The following NOL9 variants were observed in gnomAD, a reference collection of about 807,000 sequenced individuals.
NOL9 encodes polynucleotide 5'-hydroxyl-kinase NOL9.
A neutral mutation model predicts 67.9 loss-of-function variants in NOL9; 28 were observed. The observed-to-expected ratio is 0.41, with a 90% CI of 0.31 to 0.57. The LOEUF (loss-of-function observed/expected upper bound fraction) is 0.57, where lower values mean the gene tolerates loss of function less well. Among genes scored for constraint, NOL9 ranks in the 20% least tolerant of loss-of-function variants. The probability of loss-of-function intolerance (pLI) is 0.25; values close to 1 mark genes in which losing one functional copy is unlikely to be tolerated. For missense variants in NOL9, 777 were observed against 897.0 expected, an observed-to-expected ratio of 0.87 and a Z score of 1.71; for synonymous variants, 356 against 352.2, an observed-to-expected ratio of 1.01 and a Z score of -0.12.
intron 1 of NOL9, among the ~76,000 whole-genome samples, chr1:6,551,903 C>T (rs1419509769): frequency 1.3e-5 from 2 of 152,032 alleles, no homozygotes; most frequent in African/African-American, 4.8e-5. Context: ...GGTGTGGTGG[C>T]GGGCACCTGT....
chr1:6,549,606 T>C lies in NOL9; in HGVS notation c.709A>G (p.Ser237Gly), dbSNP rs936506494. The C allele has an allele frequency of 2.5e-6, 4 of 1,614,052 alleles. No homozygotes were observed. The African/African-American group carries it at 4.0e-5, about 16-fold the overall frequency. ...AAAATGTAGGATGAACCCGGATAGC[T>C]GGTTATGAAGTTTACAGTGGCAGTT... ...LKTATVNFIT[S>G]YPGSSYIFVQ... The change falls in exon 3 of 12, where the codon AGC becomes GGC. Residue 237 changes from serine (S) to glycine (G), a missense_variant. Ser to Gly is a moderately conservative substitution (Grantham distance 56, BLOSUM62 0). Around this residue, in one of 2 missense-constraint regions of NOL9, gnomAD observed 364 missense variants for 344.4 expected, o/e 1.06. Transcript: ENST00000377705.
intron 3 of NOL9, chr1:6,548,342 T>A (rs1402720351): frequency 3.0e-5 from 5 of 165,848 alleles, no homozygotes; most frequent in African/African-American, 1.2e-4. Flanking sequence ...AGATGGGGTT[T>A]TGCCATGTTG....
In NOL9 at chr1:6,535,951, G is replaced by A. The variant is rs568327367; in HGVS notation, c.1076-2510C>T. On this transcript the variant is annotated intron_variant, in intron 6 of 11. Coordinates refer to ENST00000377705, the MANE Select transcript of NOL9 (RefSeq NM_024654.5). ...CTCAAAAAAAAAAAAAAAGTTGGAG[G>A]TATCACATTCTCTGACTTCAAAAGC... 5.9e-5 allele frequency among the ~76,000 whole-genome samples: 9 copies of A among 151,380 alleles called. No individual in the cohort carries two copies. In the East Asian group the frequency reaches 1.4e-3, roughly 23 times the overall value.
At chr1:6,540,289 A>C (rs1233036477) in intron 6 of NOL9, among the ~76,000 whole-genome samples, 1 of 151,608 alleles carries the variant, frequency 6.6e-6, no homozygotes, top group Non-Finnish European at 1.5e-5. Context: ...CGCCTGGCTA[A>C]TTTTTTGTAT....
chr1:6,549,124 G>T (rs1359651368), intron 3 of NOL9: 1 of 155,594 alleles, frequency 6.4e-6, no homozygotes, highest in Non-Finnish European at 1.4e-5. Context: ...GGGCATGGTG[G>T]CAGGCGCCTG....
At chr1:6,529,910 A>G (rs1246600007) in intron 9 of NOL9, among the ~76,000 whole-genome samples, 1 of 152,096 alleles carries the variant, frequency 6.6e-6, no homozygotes. Flanking sequence ...TGAATGACAG[A>G]CCAAGACTCC....
In NOL9 at chr1:6,545,031, T is replaced by C. The variant is rs367828226; in HGVS notation, c.880+14A>G. On this transcript the variant is annotated intron_variant, in intron 4 of 11. Coordinates refer to ENST00000377705, the MANE Select transcript of NOL9 (RefSeq NM_024654.5). ...GTGGACAGACATTCAGGGTGATCAA[T>C]GTGTATTACTCACCACAGGAAACAT... The C allele has an allele frequency of 3.7e-6, 6 of 1,613,984 alleles. No homozygotes were observed. In the African/African-American group the frequency reaches 8.0e-5, roughly 22 times the overall value.
At chr1:6,526,874 A>G (rs746669581) in intron 10 of NOL9, 45 bp from the exon 11 acceptor site, 3 of 1,527,912 alleles carry the variant, frequency 2.0e-6, no homozygotes, top group African/African-American at 2.8e-5. Flanking sequence ...TTTGGAAAAC[A>G]TCAAACTTCT....
At chr1:6,545,688 A>G (rs1347532199) in intron 3 of NOL9, among the ~76,000 whole-genome samples, 2 of 148,300 alleles carry the variant, frequency 1.3e-5, no homozygotes, top group African/African-American at 4.9e-5. Flanking sequence ...CTCACCACAG[A>G]AGAGGATGAA....
At chr1:6,549,431 G>A (rs146656557) in intron 3 of NOL9, 140 bp downstream of exon 3, 19 of 895,626 alleles carry the variant, frequency 2.1e-5, no homozygotes, top group Admixed American at 1.7e-4. Context: ...AATAGTTTCC[G>A]TATACACGTA....
chr1:6,535,215 C>T (rs1243252962), intron 6 of NOL9, among the ~76,000 whole-genome samples: 1 of 152,188 alleles, frequency 6.6e-6, no homozygotes, highest in Admixed American at 6.5e-5. Context: ...TATGCTAGCT[C>T]TGTGCACTGA....
chr1:6,544,544 C>CACA (rs61278197), intron 5 of NOL9, among the ~76,000 whole-genome samples: 12 of 118,690 alleles, frequency 1.0e-4, no homozygotes, highest in African/African-American at 4.6e-4. Context: ...CACACACGCA[C>CACA]CCCCCCCCCG....
Position 6,549,569 on chromosome 1 carries a change from A to C in NOL9, c.744+2T>G, listed in dbSNP as rs1416642617. ...AAAACTCTGAATGAAAACGGGTTCT[A>C]CCTCTTGCACAAAAATGTAGGATGA... is the stretch of plus-strand genomic sequence containing the variant. On this transcript the variant is annotated splice_donor_variant, in intron 3 of 11. Transcript: ENST00000377705. LOFTEE classifies it high-confidence loss of function. The C allele has an allele frequency of 6.2e-7, 1 of 1,613,630 alleles. No individual in the cohort carries two copies. Among genetic ancestry groups the C allele is most frequent in the Non-Finnish European group, 8.5e-7 (1 of 1,179,902 alleles).
intron 8 of NOL9, 39 bp downstream of exon 8, chr1:6,532,424 A>AAGGAAAAAT: frequency 6.4e-7 from 1 of 1,568,732 alleles, no homozygotes; most frequent in Non-Finnish European, 8.7e-7. Flanking sequence ...TTTTCGACGG[A>AAGGAAAAAT]AGGAAAAATA....
Position 6,550,469 on chromosome 1 carries a change from G to A in NOL9, c.543C>T (p.Tyr181=), listed in dbSNP as rs1017971666. The A allele has an allele frequency of 3.7e-6, 6 of 1,614,032 alleles. No individual in the cohort carries two copies. The highest frequency in any genetic ancestry group is 1.3e-5 in the African/African-American group (1 of 74,922). The change falls in exon 2 of 12, where the codon TAC becomes TAT. Residue 181 remains tyrosine, a synonymous_variant. Transcript: ENST00000377705. ...HSCLSIHALH[Y]SQPEKSKKEL... ...CCTTCTTGCTTTTCTCAGGCTGTGAGTAGTGAAGTGCATGGATACTCAAGC... is the reference window on the plus strand; with the variant it reads ...CCTTCTTGCTTTTCTCAGGCTGTGAATAGTGAAGTGCATGGATACTCAAGC...
At chr1:6,536,174 A>G (rs1639151391) in intron 6 of NOL9, among the ~76,000 whole-genome samples, 1 of 55,938 alleles carries the variant, frequency 1.8e-5, no homozygotes, top group African/African-American at 4.1e-5. Context: ...GTGAAACCCC[A>G]TCTCTACTAA....
At chr1:6,537,777 C>T (rs1312861928) in intron 6 of NOL9, among the ~76,000 whole-genome samples, 1 of 151,896 alleles carries the variant, frequency 6.6e-6, no homozygotes, top group Non-Finnish European at 1.5e-5. Context: ...GGACCAATTC[C>T]TTACACTATA....
In NOL9 at chr1:6,548,138, CTTTTTTTTTTTTT is replaced by C. The variant is rs201835857; in HGVS notation, c.744+1420_744+1432del. Reference sequence around the variant, plus strand: ...GGTCCGTGCCATGAGACTTAAAGTTCTTTTTTTTTTTTTTTTTTTTTTTTTGAGACGGATTCTC... The same window carrying C: ...GGTCCGTGCCATGAGACTTAAAGTTCTTTTTTTTTTTTGAGACGGATTCTC... On this transcript the variant is annotated intron_variant, in intron 3 of 11. Coordinates refer to ENST00000377705, the MANE Select transcript of NOL9 (RefSeq NM_024654.5). The C allele has an allele frequency of 1.2e-3, 121 of 101,892 alleles. 1 individual carries two copies. Among genetic ancestry groups the C allele is most frequent in the Middle Eastern group, 6.8e-3 (1 of 148 alleles). The allele number at this position is 101,892 out of a possible 1,614,324, so 6.3% of individuals were successfully genotyped here.
chr1:6,552,865 G>A (rs1344903715), intron 1 of NOL9, among the ~76,000 whole-genome samples: 1 of 150,270 alleles, frequency 6.7e-6, no homozygotes, highest in African/African-American at 2.5e-5. Flanking sequence ...AGGCTGGAGT[G>A]CAATGGCGTG....
Sources: gnomAD v4.1 joint callset for allele counts (sites outside exome capture counted in the v4.1 genomes callset) on GRCh38, gnomAD v4.1.1 for gene constraint, gnomAD v4.1.1 regional missense constraint, MANE v1.5 for transcripts, NCBI Gene and HGNC (gene_info 2026-07-23, HGNC 2026-07-21) for gene names.